Variants in OR9Q1 observed in about 807,000 individuals in gnomAD.
OR9Q1 encodes the protein olfactory receptor 9Q1.
For synonymous variants in OR9Q1, 153 were observed against 148.6 expected, an observed-to-expected ratio of 1.03 and a Z score of -0.22; for missense variants, 374 against 378.8, an observed-to-expected ratio of 0.99 and a Z score of 0.11.
intron 1 of OR9Q1, among the ~76,000 whole-genome samples, chr11:58,030,446 T>A (rs1048110173): frequency 2.0e-5 from 3 of 152,232 alleles, no homozygotes; most frequent in Non-Finnish European, 4.4e-5. Context: ...ACTTACATTT[T>A]CACAACAAAT....
intron 2 of OR9Q1, chr11:58,119,097 T>C: frequency 2.5e-6 from 4 of 1,613,986 alleles, no homozygotes; most frequent in Non-Finnish European, 3.4e-6. Flanking sequence ...AGGCCATCAC[T>C]GCCAGCAGAA....
intron 2 of OR9Q1, among the ~76,000 whole-genome samples, chr11:58,063,121 G>A (rs1853396822): frequency 6.6e-6 from 1 of 152,176 alleles, no homozygotes; most frequent in African/African-American, 2.4e-5. Flanking sequence ...TACAAAAAGA[G>A]GGAGCAGTTT....
intron 2 of OR9Q1, among the ~76,000 whole-genome samples, chr11:58,090,084 A>G (rs1853669792): frequency 6.6e-6 from 1 of 152,208 alleles, no homozygotes; most frequent in Non-Finnish European, 1.5e-5. Context: ...CAATCATGTC[A>G]TCTGCAAACA....
intron 2 of OR9Q1, among the ~76,000 whole-genome samples, chr11:58,166,066 T>C (rs541408537): frequency 3.9e-5 from 6 of 152,326 alleles, no homozygotes; most frequent in Non-Finnish European, 8.8e-5. Flanking sequence ...ACGATGATAA[T>C]GATGATTGCT....
intron 2 of OR9Q1, among the ~76,000 whole-genome samples, chr11:58,138,038 T>C (rs1854205536): frequency 6.6e-6 from 1 of 152,170 alleles, no homozygotes; most frequent in South Asian, 2.1e-4. Context: ...AGATACTTGC[T>C]TTAGTGGCAG....
intron 2 of OR9Q1, among the ~76,000 whole-genome samples, chr11:58,083,091 G>A (rs951819880): frequency 1.3e-4 from 19 of 151,996 alleles, no homozygotes; most frequent in Admixed American, 3.3e-4. Flanking sequence ...CTTTGCCCAT[G>A]CCTATGTCCT....
chr11:58,154,266 T>G (rs993339140), intron 2 of OR9Q1, among the ~76,000 whole-genome samples: 5 of 151,918 alleles, frequency 3.3e-5, no homozygotes, highest in African/African-American at 1.2e-4. Context: ...AATTAAGAGT[T>G]TGAGAACTCT....
intron 2 of OR9Q1, among the ~76,000 whole-genome samples, chr11:58,059,641 T>C (rs1853360367): frequency 8.1e-6 from 1 of 123,504 alleles, no homozygotes; most frequent in Non-Finnish European, 1.6e-5. Context: ...TGAGTCAAGA[T>C]TGCACCACTG....
intron 2 of OR9Q1, among the ~76,000 whole-genome samples, chr11:58,101,198 T>C (rs2120086086): frequency 6.6e-6 from 1 of 152,214 alleles, no homozygotes; most frequent in African/African-American, 2.4e-5. Context: ...GTTCTGTTCC[T>C]TAAGAAATCT....
rs377552348 is a variant in OR9Q1, at chr11:58,162,205, C to T, written c.-14-17226C>T. 8.5e-5 allele frequency among the ~76,000 whole-genome samples: 13 copies of T among 152,290 alleles called. No individual in the cohort carries two copies. The East Asian group carries it at 9.6e-4, about 11-fold the overall frequency. Reference sequence around the variant, plus strand: ...AACATACCATTATTGTCATTCATTACGAGTAACAAGAAGTCATTATAAGTA... The same window carrying T: ...AACATACCATTATTGTCATTCATTATGAGTAACAAGAAGTCATTATAAGTA... On this transcript the variant is annotated intron_variant, in intron 2 of 2. Transcript: ENST00000335397.
chr11:58,100,100 C>G (rs1590589564), intron 2 of OR9Q1, among the ~76,000 whole-genome samples: 1 of 152,184 alleles, frequency 6.6e-6, no homozygotes, highest in Non-Finnish European at 1.5e-5. Context: ...CAGGTAGTCT[C>G]TCATCCTTAA....
At chr11:58,148,576 C>G (rs1450855072) in intron 2 of OR9Q1, among the ~76,000 whole-genome samples, 3 of 152,162 alleles carry the variant, frequency 2.0e-5, no homozygotes, top group Admixed American at 6.5e-5. Flanking sequence ...TGCCACCATC[C>G]CCATGGTTCT....
At chr11:58,108,841 A>T in intron 2 of OR9Q1, 1 of 349,336 alleles carries the variant, frequency 2.9e-6, no homozygotes, top group East Asian at 7.5e-5. Flanking sequence ...AAAGACAGAC[A>T]CTATCTTGTC....
chr11:58,175,745 T>C (rs1424448870), intron 2 of OR9Q1, among the ~76,000 whole-genome samples: 1 of 152,046 alleles, frequency 6.6e-6, no homozygotes, highest in South Asian at 2.1e-4. Context: ...ATGTACCACA[T>C]GGTTCCATTT....
At chr11:58,146,665 G>T (rs1854302025) in intron 2 of OR9Q1, among the ~76,000 whole-genome samples, 1 of 152,108 alleles carries the variant, frequency 6.6e-6, no homozygotes, top group Non-Finnish European at 1.5e-5. Context: ...TATATAATAG[G>T]GTTCCAGCCT....
intron 1 of OR9Q1, among the ~76,000 whole-genome samples, chr11:58,028,800 C>T (rs1471404006): frequency 3.9e-5 from 6 of 152,212 alleles, no homozygotes; most frequent in Admixed American, 2.0e-4. Context: ...CGAAGACGCA[C>T]GCAGAAATCT....
chr11:58,148,395 AC>A (rs1854319652), intron 2 of OR9Q1, among the ~76,000 whole-genome samples: 1 of 152,194 alleles, frequency 6.6e-6, no homozygotes, highest in Non-Finnish European at 1.5e-5. Context: ...AAAAACAACC[AC>A]ACACAATTTT....
At chr11:58,112,694 T>C (rs1215501666) in intron 2 of OR9Q1, among the ~76,000 whole-genome samples, 1 of 152,162 alleles carries the variant, frequency 6.6e-6, no homozygotes, top group Non-Finnish European at 1.5e-5. Flanking sequence ...AATGATTTTC[T>C]CAATGGGAAA....
chr11:58,119,578 A>G (rs1409883209), intron 2 of OR9Q1: 2 of 613,952 alleles, frequency 3.3e-6, no homozygotes, highest in Non-Finnish European at 5.5e-6. Flanking sequence ...TTTGTTTTTA[A>G]GAAATTCTGA....
Sources: allele counts gnomAD v4.1 joint callset (sites outside exome capture counted in the v4.1 genomes callset), GRCh38; gene constraint gnomAD v4.1.1; transcripts MANE v1.5; gene names NCBI Gene and HGNC (gene_info 2026-07-23, HGNC 2026-07-21).